BTRC: variants seen among roughly 807,000 people sequenced by gnomAD.
BTRC encodes beta-transducin repeat containing E3 ubiquitin protein ligase, also known as F-box/WD repeat-containing protein 1A.
A neutral mutation model predicts 85.5 loss-of-function variants in BTRC; 42 were observed. The ratio of observed to expected loss-of-function variants is 0.49; its 90% confidence interval spans 0.38 to 0.64. The LOEUF (loss-of-function observed/expected upper bound fraction) is 0.64, where lower values mean the gene tolerates loss of function less well. Among genes scored for constraint, BTRC ranks in the 30% least tolerant of loss-of-function variants. The probability of loss-of-function intolerance (pLI) is 0.00; values close to 1 mark genes in which losing one functional copy is unlikely to be tolerated. For missense variants in BTRC, 594 were observed against 743.5 expected (o/e 0.80, Z 2.34); for synonymous variants, 255 against 263.3 (o/e 0.97, Z 0.30).
chr10:101,546,046 A>G (rs1053295209), intron 13 of BTRC, among the ~76,000 whole-genome samples: 4 of 152,352 alleles, frequency 2.6e-5, no homozygotes, highest in Non-Finnish European at 4.4e-5. Flanking sequence ...AGCACCCCCT[A>G]TCAGTAATGG....
intron 2 of BTRC, among the ~76,000 whole-genome samples, chr10:101,434,773 C>G (rs969836928): frequency 1.3e-5 from 2 of 150,700 alleles, no homozygotes; most frequent in Non-Finnish European, 3.0e-5. Context: ...ACAGCCTGAC[C>G]AACATGGCTG....
chr10:101,431,504 G>T (rs1944404535), intron 2 of BTRC, among the ~76,000 whole-genome samples: 1 of 152,086 alleles, frequency 6.6e-6, no homozygotes. Context: ...ACAGATTAGG[G>T]TACCATACAT....
chr10:101,424,239 A>T (rs983379480), intron 1 of BTRC, among the ~76,000 whole-genome samples: 3 of 151,558 alleles, frequency 2.0e-5, no homozygotes, highest in Admixed American at 2.0e-4. Context: ...TGTCTCAAAG[A>T]AAAAAAAAGA....
intron 4 of BTRC, among the ~76,000 whole-genome samples, chr10:101,503,603 C>A (rs1479972271): frequency 6.6e-6 from 1 of 152,162 alleles, no homozygotes; most frequent in East Asian, 1.9e-4. Context: ...CTGAAGATAA[C>A]CAAGACTTCC....
At chr10:101,530,703 T>A (rs969607272) in intron 6 of BTRC, among the ~76,000 whole-genome samples, 18 of 152,162 alleles carry the variant, frequency 1.2e-4, no homozygotes, top group African/African-American at 3.4e-4. Flanking sequence ...CTGGAAATAA[T>A]CATGTTTTAC....
intron 1 of BTRC, among the ~76,000 whole-genome samples, chr10:101,409,547 A>G (rs1943719804): frequency 6.6e-6 from 1 of 152,222 alleles, no homozygotes; most frequent in Non-Finnish European, 1.5e-5. Context: ...CCTAGGTAGT[A>G]TAGCCTACTA....
chr10:101,438,779 A>G (rs990281453), intron 2 of BTRC, among the ~76,000 whole-genome samples: 17 of 152,252 alleles, frequency 1.1e-4, no homozygotes, highest in Admixed American at 6.5e-4. Flanking sequence ...AAGCACTTCA[A>G]CTGCAGCACA....
intron 5 of BTRC, among the ~76,000 whole-genome samples, chr10:101,523,118 C>T (rs1303260425): frequency 4.6e-5 from 7 of 152,042 alleles, no homozygotes; most frequent in Non-Finnish European, 7.4e-5. Context: ...GCAGGAGAAT[C>T]GCTTGAACCC....
At chr10:101,498,471 C>A (rs1017117547) in intron 4 of BTRC, among the ~76,000 whole-genome samples, 1 of 151,974 alleles carries the variant, frequency 6.6e-6, no homozygotes, top group Non-Finnish European at 1.5e-5. Flanking sequence ...GCTGCTGTTA[C>A]GATCTAAATC....
At chr10:101,404,751 C>T (rs554870536) in intron 1 of BTRC, among the ~76,000 whole-genome samples, 62 of 152,268 alleles carry the variant, frequency 4.1e-4, no homozygotes, top group Non-Finnish European at 6.2e-4. Context: ...GTAATCCCAG[C>T]ACTTTGGGAG....
At chr10:101,368,436 C>A (rs1012562425) in intron 1 of BTRC, among the ~76,000 whole-genome samples, 1 of 142,914 alleles carries the variant, frequency 7.0e-6, no homozygotes, top group Non-Finnish European at 1.5e-5. Flanking sequence ...GACTAAGACA[C>A]TTTAGTAGAA....
At chr10:101,411,821 T>C (rs1427011562) in intron 1 of BTRC, among the ~76,000 whole-genome samples, 2 of 152,200 alleles carry the variant, frequency 1.3e-5, no homozygotes, top group Non-Finnish European at 1.5e-5. Context: ...ATTGTGATAT[T>C]ACATTTTTGA....
Position 101,550,896 on chromosome 10 carries a change from C to T in BTRC, c.*31+5C>T, listed in dbSNP as rs756294012. ...ACTGACCTCATACTTGCCCAGGTATCGAAATCGATTATGTACATAACACTG... is the reference window on the plus strand; with the variant it reads ...ACTGACCTCATACTTGCCCAGGTATTGAAATCGATTATGTACATAACACTG... On this transcript the variant is annotated splice_donor_5th_base_variant and intron_variant, in intron 14 of 14. Transcript: ENST00000370187. 25 of 1,590,608 alleles carry T rather than the reference C, an allele frequency of 1.6e-5. No homozygotes were observed. The East Asian group carries it at 5.2e-4, about 33-fold the overall frequency.
intron 1 of BTRC, among the ~76,000 whole-genome samples, chr10:101,400,993 T>A (rs2134000409): frequency 6.6e-6 from 1 of 152,294 alleles, no homozygotes; most frequent in South Asian, 2.1e-4. Context: ...CAGCTTCACA[T>A]CATCAGAAAT....
intron 1 of BTRC, among the ~76,000 whole-genome samples, chr10:101,366,457 A>C (rs945854000): frequency 6.6e-6 from 1 of 152,118 alleles, no homozygotes; most frequent in African/African-American, 2.4e-5. Flanking sequence ...AAAGAGCTAT[A>C]GAATTTAAGA....
chr10:101,440,356 A>C (rs1362106457), intron 2 of BTRC, among the ~76,000 whole-genome samples: 9 of 151,196 alleles, frequency 6.0e-5, no homozygotes, highest in Non-Finnish European at 1.2e-4. Context: ...TTGAATTTAC[A>C]AGTAAAGTTT....
chr10:101,442,738 A>G (rs1026868807), intron 2 of BTRC, among the ~76,000 whole-genome samples: 2 of 152,180 alleles, frequency 1.3e-5, no homozygotes, highest in East Asian at 3.9e-4. Context: ...GCATCATAGA[A>G]AGGATAAATG....
intron 2 of BTRC, among the ~76,000 whole-genome samples, chr10:101,453,135 A>C (rs1413464971): frequency 6.6e-6 from 1 of 152,190 alleles, no homozygotes; most frequent in East Asian, 1.9e-4. Context: ...TTGGAAGCTA[A>C]ATTAGCTCCA....
In BTRC at chr10:101,367,032, T is replaced by TTA. The variant is rs1157232108; in HGVS notation, c.48+12813_48+12814dup. 1.1e-4 allele frequency among the ~76,000 whole-genome samples: 6 copies of TTA among 52,244 alleles called. 1 individual carries two copies. Among genetic ancestry groups the TTA allele is most frequent in the African/African-American group, 2.7e-4 (5 of 18,502 alleles). 34.3% of individuals were successfully genotyped at this position (52,244 alleles called of 152,430 possible). Reference sequence around the variant, plus strand: ...TATATATATATTTATATTTATATATTTATATATATAAATATATATATATAT... The same window carrying TTA: ...TATATATATATTTATATTTATATATTTATATATATATAAATATATATATATAT... On this transcript the variant is annotated intron_variant, in intron 1 of 14. Transcript: ENST00000370187.
Sources: gnomAD v4.1 joint callset for allele counts (sites outside exome capture counted in the v4.1 genomes callset) on GRCh38, gnomAD v4.1.1 for gene constraint, MANE v1.5 for transcripts, NCBI Gene and HGNC (gene_info 2026-07-23, HGNC 2026-07-21) for gene names.